SLC24A2: variants seen among roughly 807,000 people sequenced by gnomAD.
The protein encoded by SLC24A2 is sodium/potassium/calcium exchanger 2.
A neutral mutation model predicts 62.0 loss-of-function variants in SLC24A2; 36 were observed. That is an observed-to-expected ratio of 0.58 (90% CI 0.44 to 0.77). SLC24A2 has a LOEUF of 0.77. Among genes scored for constraint, SLC24A2 ranks in the 30% least tolerant of loss-of-function variants. The pLI, the probability that SLC24A2 is intolerant of heterozygous loss-of-function variation, is 0.00. For synonymous variants in SLC24A2, 358 were observed against 294.0 expected (o/e 1.22, Z -2.23); for missense variants, 846 against 817.9 (o/e 1.03, Z -0.42).
chr9:19,987,407 T>G, the SLC24A2 span, among the ~76,000 whole-genome samples: 1 of 152,188 alleles, frequency 6.6e-6, no homozygotes, highest in Non-Finnish European at 1.5e-5. Context: ...CAAGTCCTTT[T>G]AGTAAATTAA....
chr9:19,741,598 C>A (rs952536138), intron 2 of SLC24A2, among the ~76,000 whole-genome samples: 3 of 152,160 alleles, frequency 2.0e-5, no homozygotes, highest in Non-Finnish European at 2.9e-5. Flanking sequence ...AATTCTACCT[C>A]CCTGGGACCT....
the SLC24A2 span, among the ~76,000 whole-genome samples, chr9:20,012,575 T>C: frequency 6.6e-6 from 1 of 152,022 alleles, no homozygotes; most frequent in Non-Finnish European, 1.5e-5. Flanking sequence ...GGCAACATCA[T>C]AGAAAAGAAA....
chr9:19,787,117 G>A, intron 1 of SLC24A2, 98 bp from the exon 2 acceptor site: 1 of 625,216 alleles, frequency 1.6e-6, no homozygotes, highest in Non-Finnish European at 2.0e-6. Context: ...CTGCAGCTGT[G>A]CGATCTTGGG....
chr9:19,860,436 G>A, the SLC24A2 span, among the ~76,000 whole-genome samples: 1 of 152,156 alleles, frequency 6.6e-6, no homozygotes, highest in African/African-American at 2.4e-5. Flanking sequence ...CTAACCAGCA[G>A]TGATACTCAA....
chr9:20,084,487 C>T, the SLC24A2 span, among the ~76,000 whole-genome samples: 1 of 151,526 alleles, frequency 6.6e-6, no homozygotes, highest in African/African-American at 2.4e-5. Context: ...CCTTTCCTTC[C>T]CTCCCTCCCT....
the SLC24A2 span, among the ~76,000 whole-genome samples, chr9:20,058,010 C>T: frequency 3.7e-3 from 559 of 152,168 alleles, 1 homozygote; most frequent in Non-Finnish European, 6.0e-3. Context: ...AACAAACAAA[C>T]AAACAAAAAA....
the SLC24A2 span, among the ~76,000 whole-genome samples, chr9:20,168,608 A>T: frequency 6.6e-6 from 1 of 152,030 alleles, no homozygotes; most frequent in Non-Finnish European, 1.5e-5. Flanking sequence ...AAGATGCTTC[A>T]TATCATTCGT....
Position 19,775,819 on chromosome 9 carries a change from TCCTATTCTTCA to T in SLC24A2, c.930+10107_930+10117del, listed in dbSNP as rs370582583. On this transcript the variant is annotated intron_variant, in intron 2 of 10. Transcript: ENST00000341998. ...AGTAGAGTGATGTCTAGCTTCCTTCTCCTATTCTTCACCTTGATCAAACAGATGCCCTTGTA... is the reference window on the plus strand; with the variant it reads ...AGTAGAGTGATGTCTAGCTTCCTTCTCCTTGATCAAACAGATGCCCTTGTA... Among the ~76,000 whole-genome samples, 509 of 152,284 alleles carry T rather than the reference TCCTATTCTTCA, an allele frequency of 3.3e-3. 5 individuals are homozygous for T. Among genetic ancestry groups the T allele is most frequent in the African/African-American group, 0.012 (489 of 41,564 alleles).
chr9:20,161,484 T>C, the SLC24A2 span, among the ~76,000 whole-genome samples: 2 of 151,378 alleles, frequency 1.3e-5, no homozygotes, highest in Non-Finnish European at 3.0e-5. Flanking sequence ...CTAAATAACA[T>C]ATCAGCCAAC....
At position 19,631,545 on chromosome 9, in the gene SLC24A2, A is replaced by C. The variant is rs1380194618; in HGVS notation, c.931-9246T>G. ...AGCTTCTTGAGTGAGGGGGTCTTAC[A>C]TATTACACATCTTTATACTTCCAAT... On this transcript the variant is annotated intron_variant, in intron 2 of 10. Transcript: ENST00000341998. Among the ~76,000 whole-genome samples the C allele has an allele frequency of 2.6e-5, 4 of 152,288 alleles. No individual in the cohort carries two copies. The East Asian group carries it at 7.7e-4, about 29-fold the overall frequency.
At chr9:19,604,107 T>C (rs1836920027) in intron 4 of SLC24A2, among the ~76,000 whole-genome samples, 1 of 152,238 alleles carries the variant, frequency 6.6e-6, no homozygotes, top group African/African-American at 2.4e-5. Flanking sequence ...TGCTGCTAAG[T>C]TGAATTAAAT....
chr9:19,747,583 C>T (rs1044874877), intron 2 of SLC24A2, among the ~76,000 whole-genome samples: 1 of 152,328 alleles, frequency 6.6e-6, no homozygotes, highest in Non-Finnish European at 1.5e-5. Context: ...ATATTATTAT[C>T]TGACATATCA....
chr9:19,835,028 G>C, the SLC24A2 span, among the ~76,000 whole-genome samples: 1 of 152,132 alleles, frequency 6.6e-6, no homozygotes, highest in African/African-American at 2.4e-5. Context: ...CAAATGCTGA[G>C]AGATTTTGTC....
chr9:20,108,074 T>C, the SLC24A2 span, among the ~76,000 whole-genome samples: 1 of 152,180 alleles, frequency 6.6e-6, no homozygotes, highest in Non-Finnish European at 1.5e-5. Context: ...AAGACATTTA[T>C]ACAGCCAAAA....
chr9:19,808,481 C>G, the SLC24A2 span, among the ~76,000 whole-genome samples: 9 of 152,208 alleles, frequency 5.9e-5, no homozygotes, highest in East Asian at 1.5e-3. This position sits in a 1 kb window ranked among gnomAD's most constrained non-coding sequence, Gnocchi z 4.1. Context: ...GAGAAAAATG[C>G]TAACCCGTCC....
intron 2 of SLC24A2, among the ~76,000 whole-genome samples, chr9:19,724,912 CTACACAACCTCAAGCGCCAGTCAAA>C (rs1375616610): frequency 1.3e-5 from 2 of 152,050 alleles, no homozygotes; most frequent in Admixed American, 6.6e-5. Flanking sequence ...ATCCAAAATC[CTACACAACCTCAAGCGCCAGTCAAA>C]TCTCACCTCT....
the SLC24A2 span, among the ~76,000 whole-genome samples, chr9:19,849,777 C>G: frequency 6.6e-6 from 1 of 152,138 alleles, no homozygotes; most frequent in Non-Finnish European, 1.5e-5. Flanking sequence ...ATAAATATAG[C>G]TGGCACCAAC....
At chr9:19,827,873 A>G in the SLC24A2 span, among the ~76,000 whole-genome samples, 1 of 152,186 alleles carries the variant, frequency 6.6e-6, no homozygotes. Context: ...TCACCCATAT[A>G]TAAGACATGT....
chr9:20,136,596 T>C, the SLC24A2 span, among the ~76,000 whole-genome samples: 1 of 152,132 alleles, frequency 6.6e-6, no homozygotes, highest in African/African-American at 2.4e-5. Context: ...TTGCCCCCCA[T>C]ACTGAGTGAA....
Sources: allele counts gnomAD v4.1 joint callset (sites outside exome capture counted in the v4.1 genomes callset), GRCh38; gene constraint gnomAD v4.1.1; non-coding constraint Gnocchi (gnomAD v3.1); transcripts MANE v1.5; gene names NCBI Gene and HGNC (gene_info 2026-07-23, HGNC 2026-07-21).